PDIA5: variants seen among roughly 807,000 people sequenced by gnomAD.
PDIA5 encodes protein disulfide isomerase family A member 5.
Under a neutral mutation model 77.6 loss-of-function variants are expected in PDIA5, and 58 were observed. That is an observed-to-expected ratio of 0.75 (90% CI 0.61 to 0.93). The LOEUF (loss-of-function observed/expected upper bound fraction) is 0.93, where lower values mean the gene tolerates loss of function less well. Among genes scored for constraint, PDIA5 ranks in the 40% least tolerant of loss-of-function variants. PDIA5 has a pLI of 0.00. For missense variants in PDIA5, 630 were observed against 647.7 expected, an observed-to-expected ratio of 0.97 and a Z score of 0.30; for synonymous variants, 250 against 252.1, an observed-to-expected ratio of 0.99 and a Z score of 0.08.
chr3:123,145,336 C>A (rs1935742391), intron 11 of PDIA5, 186 bp from the exon 12 acceptor site: 1 of 569,104 alleles, frequency 1.8e-6, no homozygotes, highest in East Asian at 3.0e-5. Flanking sequence ...GTCTGGGGTA[C>A]CTTCCCACTA....
chr3:123,084,360 T>TG (rs1193785104), intron 1 of PDIA5, among the ~76,000 whole-genome samples: 6 of 152,120 alleles, frequency 3.9e-5, no homozygotes, highest in Non-Finnish European at 8.8e-5. Flanking sequence ...TCACAGCCTT[T>TG]GGCCCTGTCC....
At position 123,145,410 on chromosome 3, in the gene PDIA5, C is replaced by T. The variant is rs576166480; in HGVS notation, c.911-112C>T. 10 of 724,392 alleles carry T rather than the reference C, an allele frequency of 1.4e-5. No homozygotes were observed. In the Admixed American group the frequency reaches 1.4e-4, roughly 10 times the overall value. The allele number at this position is 724,392 out of a possible 1,614,324, so 44.9% of individuals were successfully genotyped here. A position where few individuals can be genotyped will look rare whatever the true frequency, so the allele number is the denominator to read the frequency against. ...TTTCTTTGAGCTGGTGCTGCTGCTG[C>T]TTTTCTCAGGTGTCTGGGAATGGGA... On this transcript the variant is annotated intron_variant, in intron 11 of 16. Coordinates refer to ENST00000316218, the MANE Select transcript of PDIA5 (RefSeq NM_006810.4).
chr3:123,078,949 C>T (rs1330332334), intron 1 of PDIA5, among the ~76,000 whole-genome samples: 1 of 152,132 alleles, frequency 6.6e-6, no homozygotes, highest in Non-Finnish European at 1.5e-5. Flanking sequence ...TGTAAAGATA[C>T]ATTTTCTGGT....
chr3:123,096,343 C>A (rs979224741), intron 3 of PDIA5, among the ~76,000 whole-genome samples: 1 of 141,158 alleles, frequency 7.1e-6, no homozygotes, highest in African/African-American at 2.8e-5. Flanking sequence ...CGTACCACCA[C>A]GCTCAGCTAA....
chr3:123,151,585 C>T (rs1045111334), intron 14 of PDIA5, among the ~76,000 whole-genome samples: 2 of 152,238 alleles, frequency 1.3e-5, no homozygotes, highest in Non-Finnish European at 2.9e-5. Context: ...CTCTCTTCAG[C>T]TCCTCCCTGA....
chr3:123,070,170 A>G (rs539519495), intron 1 of PDIA5, among the ~76,000 whole-genome samples: 1 of 152,252 alleles, frequency 6.6e-6, no homozygotes, highest in South Asian at 2.1e-4. Context: ...TATTTACCAG[A>G]ATATTATGTT....
At position 123,092,554 on chromosome 3, in the gene PDIA5, G is replaced by A. The variant is rs566797471; in HGVS notation, c.257+112G>A. 177 of 813,690 alleles carry A rather than the reference G, an allele frequency of 2.2e-4. 3 individuals carry two copies. Among genetic ancestry groups the A allele is most frequent in the South Asian group, 2.1e-3 (148 of 69,646 alleles). The allele number at this position is 813,690 out of a possible 1,614,324, so 50.4% of individuals were successfully genotyped here. ...ATTAATAATCTGGGAGAGAGGATGC[G>A]ATGGAAAGATTCCATCTAGTGATAC... On this transcript the variant is annotated intron_variant, in intron 3 of 16. Coordinates refer to ENST00000316218, the MANE Select transcript of PDIA5 (RefSeq NM_006810.4).
Position 123,067,178 on chromosome 3 carries a change from G to A in PDIA5, c.14G>A (p.Gly5Glu). The A allele has an allele frequency of 8.0e-7, 1 of 1,246,790 alleles. No individual in the cohort carries two copies. 77.2% of individuals were successfully genotyped at this position (1,246,790 alleles called of 1,614,324 possible). A position where few individuals can be genotyped will look rare whatever the true frequency, so the allele number is the denominator to read the frequency against. ...AGCGCTGCTGGGATGGCGCGGGCCGGGCCGGCGTGGCTGCTGCTGGCAATC... is the reference window on the plus strand; with the variant it reads ...AGCGCTGCTGGGATGGCGCGGGCCGAGCCGGCGTGGCTGCTGCTGGCAATC... MARA[G>E]PAWLLLAIWV... Residue 5 changes from glycine (G) to glutamate (E), a missense_variant, in exon 1 of 17, where the codon GGG becomes GAG. Physicochemically the swap from Gly to Glu is moderately conservative, Grantham distance 98 (BLOSUM62 -2). Transcript: ENST00000316218.
At chr3:123,111,723 G>T (rs1213166552) in intron 7 of PDIA5, among the ~76,000 whole-genome samples, 4 of 152,182 alleles carry the variant, frequency 2.6e-5, no homozygotes, top group Non-Finnish European at 4.4e-5. Context: ...GAATTTCACA[G>T]AATTAAAAAT....
chr3:123,103,839 T>A (rs954888355), intron 5 of PDIA5, among the ~76,000 whole-genome samples: 8 of 152,188 alleles, frequency 5.3e-5, no homozygotes, highest in Admixed American at 6.5e-5. Flanking sequence ...ACCGAAGTTC[T>A]TGGAGAGAAC....
chr3:123,117,374 T>TTATATATATATATATATATATATA (rs370968904), intron 8 of PDIA5, among the ~76,000 whole-genome samples: 898 of 79,638 alleles, frequency 0.011, 33 homozygotes, highest in East Asian at 0.02. Flanking sequence ...TTCTATGATT[T>TTATATATATATATATATATATATA]TATATATATA....
At position 123,157,100 on chromosome 3, in the gene PDIA5, C is replaced by T. The variant is rs78679431; in HGVS notation, c.1344+2059C>T. Among the ~76,000 whole-genome samples the T allele has an allele frequency of 7.8e-3, 1,191 of 152,296 alleles. 7 individuals carry two copies. The highest frequency in any genetic ancestry group is 0.027 in the African/African-American group (1,123 of 41,556). Reference sequence around the variant, plus strand: ...GGGTTCAGTCCTCCTGTCTCTTATTCCCTCTGTCTCTCCTTTCAGCTTCCT... The same window carrying T: ...GGGTTCAGTCCTCCTGTCTCTTATTTCCTCTGTCTCTCCTTTCAGCTTCCT... On this transcript the variant is annotated intron_variant, in intron 15 of 16. Transcript: ENST00000316218.
intron 3 of PDIA5, among the ~76,000 whole-genome samples, chr3:123,095,367 C>T (rs944526196): frequency 1.3e-5 from 2 of 152,098 alleles, no homozygotes; most frequent in East Asian, 3.9e-4. Flanking sequence ...GGTGAGGATC[C>T]CTTGGTTCTT....
intron 5 of PDIA5, among the ~76,000 whole-genome samples, 160 bp from the exon 6 acceptor site, chr3:123,106,589 G>A (rs989257375): frequency 6.6e-6 from 1 of 152,166 alleles, no homozygotes; most frequent in African/African-American, 2.4e-5. Context: ...AGTGGACAGC[G>A]GAAATAACAC....
intron 11 of PDIA5, chr3:123,144,702 G>A (rs1033410931): frequency 2.0e-5 from 3 of 152,144 alleles, no homozygotes; most frequent in Middle Eastern, 6.3e-3. Flanking sequence ...GGCTAACACA[G>A]TGAAACCCCA....
chr3:123,143,570 C>G (rs997634334), intron 11 of PDIA5, among the ~76,000 whole-genome samples: 2 of 152,086 alleles, frequency 1.3e-5, no homozygotes, highest in Non-Finnish European at 2.9e-5. Flanking sequence ...CCACTCTATT[C>G]CCCTCTGGAC....
chr3:123,098,055 G>T (rs1454292826), intron 3 of PDIA5, among the ~76,000 whole-genome samples: 1 of 152,056 alleles, frequency 6.6e-6, no homozygotes. Flanking sequence ...GGGTTTGGAG[G>T]TTTTTTTGTC....
intron 7 of PDIA5, among the ~76,000 whole-genome samples, chr3:123,114,928 G>T (rs556139720): frequency 3.3e-5 from 5 of 152,342 alleles, no homozygotes; most frequent in Admixed American, 3.3e-4. Context: ...TCAGGAGGGG[G>T]CTGTGGGGCA....
At chr3:123,148,523 G>A (rs573356266) in intron 13 of PDIA5, among the ~76,000 whole-genome samples, 1 of 151,500 alleles carries the variant, frequency 6.6e-6, no homozygotes, top group Admixed American at 6.6e-5. Flanking sequence ...GAGCTGGGAT[G>A]GTGCCATTGT....
Sources: gnomAD v4.1 joint callset for allele counts (sites outside exome capture counted in the v4.1 genomes callset) on GRCh38, gnomAD v4.1.1 for gene constraint, MANE v1.5 for transcripts, NCBI Gene and HGNC (gene_info 2026-07-23, HGNC 2026-07-21) for gene names.